Variants in ANAPC7 observed in about 807,000 individuals in gnomAD.
ANAPC7 encodes the protein anaphase promoting complex subunit 7.
Under a neutral mutation model 63.3 loss-of-function variants are expected in ANAPC7, and 25 were observed. The observed-to-expected ratio is 0.39, with a 90% confidence interval of 0.29 to 0.55. The LOEUF is 0.55. ANAPC7 is among the 20% of genes least tolerant of loss of function. The pLI is 0.57. For synonymous variants in ANAPC7, 241 were observed against 251.7 expected (o/e 0.96, Z 0.40); for missense variants, 516 against 691.7 (o/e 0.75, Z 2.85).
At position 110,376,173 on chromosome 12, in the gene ANAPC7, G is replaced by A. The variant is rs757928328; in HGVS notation, c.1401C>T (p.Asn467=). ...CACAGTCACTCTGATTAGCCAGTGCGTTCCTCAGCAAAGCAATTCCATCTT... is the reference window on the plus strand; with the variant it reads ...CACAGTCACTCTGATTAGCCAGTGCATTCCTCAGCAAAGCAATTCCATCTT... The part of the protein sequence containing the change: ...KYEDGIALLR[N]ALANQSDCVL... The change falls in exon 10 of 11, where the codon AAC becomes AAT. Residue 467 remains asparagine, a synonymous_variant. Coordinates refer to ENST00000455511, the MANE Select transcript of ANAPC7 (RefSeq NM_016238.3). 6 of 1,614,094 alleles carry A rather than the reference G, an allele frequency of 3.7e-6. No individual in the cohort carries two copies. The South Asian group carries it at 4.4e-5, about 12-fold the overall frequency.
chr12:110,391,595 A>G (rs1249200633), intron 3 of ANAPC7, among the ~76,000 whole-genome samples: 1 of 152,182 alleles, frequency 6.6e-6, no homozygotes. Context: ...AGAATGAAGG[A>G]TATGTACTGC....
chr12:110,386,369 T>C lies in ANAPC7; in HGVS notation c.775A>G (p.Lys259Glu), dbSNP rs1371373468. The C allele has an allele frequency of 1.9e-6, 3 of 1,614,146 alleles. No individual in the cohort carries two copies. Among genetic ancestry groups the C allele is most frequent in the Admixed American group, 3.3e-5 (2 of 60,002 alleles). The part of the protein sequence containing the change: ...RAGDNKNSVL[K>E]FEQAQMLDPY... ...TCCAACATCTGTGCCTGTTCAAACT[T>C]GAGGACAGAGTTTTTATTGTCTCCA... Residue 259 changes from lysine to glutamate, a missense_variant, in exon 6 of 11, where the codon AAG becomes GAG. Around this residue, in one of 4 missense-constraint regions of ANAPC7, gnomAD observed 199 missense variants for 249.3 expected, o/e 0.80. Coordinates refer to ENST00000455511, the MANE Select transcript of ANAPC7 (RefSeq NM_016238.3).
At chr12:110,382,473 T>A (rs1405660219) in intron 7 of ANAPC7, among the ~76,000 whole-genome samples, 2 of 127,486 alleles carry the variant, frequency 1.6e-5, no homozygotes, top group South Asian at 2.4e-4. Context: ...TATATATATA[T>A]ATATATATAT....
rs765646006 is a variant in ANAPC7, at chr12:110,377,384, C to T, written c.1357+9G>A. 9 of 1,607,948 alleles carry T rather than the reference C, an allele frequency of 5.6e-6. No individual in the cohort carries two copies. The South Asian group carries it at 9.9e-5, about 18-fold the overall frequency. On this transcript the variant is annotated intron_variant, in intron 9 of 10. Coordinates refer to ENST00000455511, the MANE Select transcript of ANAPC7 (RefSeq NM_016238.3). ...ATGATGAACAGGACAGAAAATAAGA[C>T]ACACTTACTAAGTAGTTCTGCTTTT... is the stretch of plus-strand genomic sequence containing the variant.
Position 110,380,415 on chromosome 12 carries a change from G to A in ANAPC7, c.1132+1337C>T, listed in dbSNP as rs184622932. ...TGCCTGTAATCCCAGAACTTTGGGA[G>A]GCCAAGGCAGGCAGCTCACGAGGTC... On this transcript the variant is annotated intron_variant, in intron 8 of 10. Coordinates refer to ENST00000455511, the MANE Select transcript of ANAPC7 (RefSeq NM_016238.3). 6.9e-3 allele frequency among the ~76,000 whole-genome samples: 1,045 copies of A among 151,164 alleles called. 1 individual carries two copies. Among genetic ancestry groups the A allele is most frequent in the Non-Finnish European group, 9.4e-3 (641 of 67,864 alleles).
chr12:110,382,224 G>C (rs2137932973), intron 7 of ANAPC7, among the ~76,000 whole-genome samples: 2 of 151,090 alleles, frequency 1.3e-5, no homozygotes, highest in South Asian at 4.2e-4. Flanking sequence ...GGCATTCAGA[G>C]AATTTGTAAA....
At chr12:110,376,312 T>C in intron 9 of ANAPC7, 96 bp from the exon 10 acceptor site, 1 of 1,427,262 alleles carries the variant, frequency 7.0e-7, no homozygotes, top group African/African-American at 1.4e-5. Context: ...AAGAGAACAC[T>C]GGTGCAACAC....
At chr12:110,391,025 A>C (rs1566272689) in intron 3 of ANAPC7, among the ~76,000 whole-genome samples, 1 of 152,116 alleles carries the variant, frequency 6.6e-6, no homozygotes, top group East Asian at 1.9e-4. Context: ...CCCCGTCTCT[A>C]CTAGAATACA....
intron 1 of ANAPC7, among the ~76,000 whole-genome samples, chr12:110,398,947 CCAAAAA>C (rs762764075): frequency 3.3e-4 from 50 of 151,752 alleles, no homozygotes; most frequent in African/African-American, 5.8e-4. Context: ...AACTCCATCT[CCAAAAA>C]CAAAAACAAA....
chr12:110,375,619 A>T, intron 10 of ANAPC7: 1 of 799,360 alleles, frequency 1.3e-6, no homozygotes, highest in Non-Finnish European at 1.5e-6. Context: ...GAAATGTGTT[A>T]GTAACTTGCC....
chr12:110,374,037 C>T lies in ANAPC7; in HGVS notation c.*107G>A, dbSNP rs891979162. ...AGGGGGCAGAGACCCCTGCTGCAAT[C>T]ACATGCTGAATCATTGTCCTTCTGA... On this transcript the variant is annotated 3_prime_UTR_variant, in exon 11 of 11. Transcript: ENST00000455511. 3.7e-5 allele frequency: 49 copies of T among 1,307,326 alleles called. No homozygotes were observed. The highest frequency in any genetic ancestry group is 4.6e-5 in the Non-Finnish European group (45 of 970,694). 81.0% of individuals were successfully genotyped at this position (1,307,326 alleles called of 1,614,324 possible). A position where few individuals can be genotyped will look rare whatever the true frequency, so the allele number is the denominator to read the frequency against.
intron 7 of ANAPC7, 125 bp downstream of exon 7, chr12:110,382,718 A>T: frequency 1.4e-6 from 1 of 737,836 alleles, no homozygotes; most frequent in Non-Finnish European, 2.2e-6. Flanking sequence ...TACAGGCATG[A>T]GCCACCATGC....
At chr12:110,387,937 T>C in intron 4 of ANAPC7, 45 bp from the exon 5 acceptor site, 2 of 1,600,268 alleles carry the variant, frequency 1.2e-6, no homozygotes, top group African/African-American at 2.7e-5. Context: ...GCACGATATC[T>C]CTCTTCCACA....
chr12:110,396,172 C>A (rs1174256097), intron 2 of ANAPC7, 94 bp downstream of exon 2: 1 of 1,144,442 alleles, frequency 8.7e-7, no homozygotes, highest in African/African-American at 1.6e-5. Flanking sequence ...TGGTTCCTAA[C>A]AGACCAGGCA....
chr12:110,389,726 T>C (rs1272753981), intron 3 of ANAPC7, among the ~76,000 whole-genome samples: 4 of 151,986 alleles, frequency 2.6e-5, no homozygotes, highest in Admixed American at 2.0e-4. Flanking sequence ...GGTCAGGAGA[T>C]TGAGACCATC....
chr12:110,399,243 A>G (rs2062188159), intron 1 of ANAPC7, among the ~76,000 whole-genome samples: 1 of 151,812 alleles, frequency 6.6e-6, no homozygotes, highest in South Asian at 2.1e-4. Flanking sequence ...GCTGGTCTCA[A>G]ACTCCTGACC....
At position 110,377,895 on chromosome 12, in the gene ANAPC7, G is replaced by A. The variant is rs1881436203; in HGVS notation, c.1133-278C>T. 4.5e-6 allele frequency: 5 copies of A among 1,115,876 alleles called. No homozygotes were observed. The South Asian group carries it at 9.2e-5, about 21-fold the overall frequency. The allele number at this position is 1,115,876 out of a possible 1,614,324, so 69.1% of individuals were successfully genotyped here. ...CATGTAAGGAACCTGCAGCATGTGA[G>A]CACCCCATCTGACCACTGGAAGAAT... On this transcript the variant is annotated intron_variant, in intron 8 of 10. Coordinates refer to ENST00000455511, the MANE Select transcript of ANAPC7 (RefSeq NM_016238.3).
intron 5 of ANAPC7, chr12:110,386,762 C>A: frequency 4.1e-6 from 1 of 242,592 alleles, no homozygotes; most frequent in Non-Finnish European, 7.8e-6. Context: ...CAAGTGACAC[C>A]TATTTATTAC....
At chr12:110,394,260 G>T (rs1025340777) in intron 3 of ANAPC7, among the ~76,000 whole-genome samples, 25 of 152,104 alleles carry the variant, frequency 1.6e-4, no homozygotes, top group Admixed American at 1.6e-3. Context: ...GGAGGCCAAA[G>T]TGGGAGGACA....
Sources: allele counts gnomAD v4.1 joint callset (sites outside exome capture counted in the v4.1 genomes callset), GRCh38; gene constraint gnomAD v4.1.1; regional missense constraint gnomAD v4.1.1; transcripts MANE v1.5; gene names NCBI Gene and HGNC (gene_info 2026-07-23, HGNC 2026-07-21).